Variants in LOXL2 observed in about 807,000 individuals in gnomAD.
LOXL2 encodes lysyl oxidase like 2.
In LOXL2, 70 loss-of-function variants were observed where a neutral mutation model predicts 93.0. The ratio of observed to expected loss-of-function variants is 0.75; its 90% CI spans 0.62 to 0.92. The LOEUF is 0.92. LOXL2 is among the 40% of genes least tolerant of loss of function. The pLI is 0.00. For missense variants in LOXL2, 973 were observed against 1,054.9 expected, an observed-to-expected ratio of 0.92 and a Z score of 1.08; for synonymous variants, 438 against 413.2, an observed-to-expected ratio of 1.06 and a Z score of -0.73.
intron 2 of LOXL2, among the ~76,000 whole-genome samples, chr8:23,360,682 T>C (rs1312976718): frequency 6.6e-6 from 1 of 152,152 alleles, no homozygotes; most frequent in African/African-American, 2.4e-5. Flanking sequence ...GTGTGCAGAT[T>C]AGAGATACTA....
chr8:23,324,026 C>T (rs1209207973), intron 6 of LOXL2, among the ~76,000 whole-genome samples: 1 of 152,158 alleles, frequency 6.6e-6, no homozygotes, highest in Non-Finnish European at 1.5e-5. Flanking sequence ...TTATTTCTGC[C>T]ACTTGACATG....
chr8:23,361,995 A>G (rs759028711), intron 2 of LOXL2, among the ~76,000 whole-genome samples: 9 of 152,228 alleles, frequency 5.9e-5, no homozygotes, highest in Non-Finnish European at 1.2e-4. Flanking sequence ...AAAAATTAAA[A>G]ATAACATTAC....
Position 23,322,239 on chromosome 8 carries a change from T to A in LOXL2, c.1193A>T (p.Asn398Ile), listed in dbSNP as rs142942245. The A allele has an allele frequency of 6.2e-7, 1 of 1,614,082 alleles. No individual in the cohort carries two copies. Among genetic ancestry groups the A allele is most frequent in the Non-Finnish European group, 8.5e-7 (1 of 1,180,032 alleles). The change falls in exon 7 of 14, where the codon AAT becomes ATT. Residue 398 changes from asparagine to isoleucine, a missense_variant. Physicochemically the swap from Asn to Ile is moderately radical, Grantham distance 149 (BLOSUM62 -3). Coordinates refer to ENST00000389131, the MANE Select transcript of LOXL2 (RefSeq NM_002318.3). ...IHLNEIQCTG[N>I]EKSIIDCKFN... The stretch of plus-strand genomic sequence containing the variant: ...CTTGCAGTCTATAATGGACTTCTCA[T>A]TGCCTGTGCACTGGATCTCGTTGAG...
At chr8:23,376,474 C>A (rs1305000672) in intron 1 of LOXL2, among the ~76,000 whole-genome samples, 1 of 152,124 alleles carries the variant, frequency 6.6e-6, no homozygotes. Flanking sequence ...AGGGAGGATT[C>A]CCTCTTTTTC....
At chr8:23,379,979 G>A (rs1804655550) in intron 1 of LOXL2, among the ~76,000 whole-genome samples, 1 of 152,176 alleles carries the variant, frequency 6.6e-6, no homozygotes, top group Non-Finnish European at 1.5e-5. Flanking sequence ...CCAGTGAGAT[G>A]AACCAAGTAC....
At chr8:23,320,840 T>G (rs1381399760) in intron 7 of LOXL2, among the ~76,000 whole-genome samples, 2 of 152,108 alleles carry the variant, frequency 1.3e-5, no homozygotes, top group African/African-American at 4.8e-5. Flanking sequence ...CCCAGAAGTT[T>G]CAGGTTGCAG....
chr8:23,332,860 A>G (rs1388002210), intron 5 of LOXL2, among the ~76,000 whole-genome samples: 1 of 120,002 alleles, frequency 8.3e-6, no homozygotes, highest in African/African-American at 3.2e-5. Flanking sequence ...ATACACACAC[A>G]CTCATACACA....
Position 23,393,360 on chromosome 8 carries a change from A to G in LOXL2, c.-84+10594T>C, listed in dbSNP as rs188507600. On this transcript the variant is annotated intron_variant, in intron 1 of 13. Coordinates refer to ENST00000389131, the MANE Select transcript of LOXL2 (RefSeq NM_002318.3). ...GGTACTGGGATACGGAGAGACATAT[A>G]GATCAATGAGATAAAACTGAGAGTC... is the stretch of plus-strand genomic sequence containing the variant. Among the ~76,000 whole-genome samples the G allele has an allele frequency of 1.8e-3, 275 of 152,374 alleles. 1 individual carries two copies. Among genetic ancestry groups the G allele is most frequent in the African/African-American group, 6.2e-3 (259 of 41,596 alleles).
At chr8:23,318,936 C>A (rs1475294147) in intron 8 of LOXL2, among the ~76,000 whole-genome samples, 1 of 152,216 alleles carries the variant, frequency 6.6e-6, no homozygotes, top group Non-Finnish European at 1.5e-5. Flanking sequence ...ACCCACCCAG[C>A]CCATGGGAGA....
intron 8 of LOXL2, among the ~76,000 whole-genome samples, chr8:23,318,839 C>T (rs1415264796): frequency 6.6e-6 from 1 of 152,248 alleles, no homozygotes; most frequent in Non-Finnish European, 1.5e-5. Flanking sequence ...CCTGTCTCTT[C>T]TGGATGCCGG....
At chr8:23,348,176 T>A (rs929004001) in intron 3 of LOXL2, among the ~76,000 whole-genome samples, 1 of 148,906 alleles carries the variant, frequency 6.7e-6, no homozygotes, top group Non-Finnish European at 1.5e-5. Flanking sequence ...AAACACCGCA[T>A]GTTCTCACGC....
intron 6 of LOXL2, among the ~76,000 whole-genome samples, chr8:23,326,028 T>C (rs1435780593): frequency 6.6e-6 from 1 of 152,246 alleles, no homozygotes; most frequent in Non-Finnish European, 1.5e-5. Flanking sequence ...ATTGCCCGAC[T>C]CACAGTCATT....
At chr8:23,304,036 C>T (rs908271867) in intron 10 of LOXL2, among the ~76,000 whole-genome samples, 6 of 152,252 alleles carry the variant, frequency 3.9e-5, no homozygotes, top group African/African-American at 7.2e-5. Flanking sequence ...CAAGTCTGTG[C>T]TCCTCGCATT....
At position 23,346,100 on chromosome 8, in the gene LOXL2, A is replaced by T. The variant is rs1187919151; in HGVS notation, c.532-4897T>A. On this transcript the variant is annotated intron_variant, in intron 3 of 13. Transcript: ENST00000389131. ...AAATAAAATAATAAAATAAAATAAA[A>T]TAAAATAAAATAAAATTAAAATAAA... Among the ~76,000 whole-genome samples, 105 of 79,880 alleles carry T rather than the reference A, an allele frequency of 1.3e-3. 1 individual carries two copies. The highest frequency in any genetic ancestry group is 0.013 in the South Asian group (31 of 2,462). 52.4% of individuals were successfully genotyped at this position (79,880 alleles called of 152,430 possible).
At chr8:23,373,198 C>G (rs911725532) in intron 1 of LOXL2, among the ~76,000 whole-genome samples, 9 of 152,178 alleles carry the variant, frequency 5.9e-5, no homozygotes, top group Admixed American at 5.9e-4. Flanking sequence ...ATACCTCAGG[C>G]CCTGCTGGGA....
intron 6 of LOXL2, 146 bp downstream of exon 6, chr8:23,328,236 A>G (rs1307713148): frequency 2.5e-6 from 2 of 785,370 alleles, no homozygotes; most frequent in East Asian, 2.5e-5. Context: ...CTGTCTAGGG[A>G]GAGGCCTGGG....
intron 3 of LOXL2, among the ~76,000 whole-genome samples, chr8:23,356,771 A>C (rs186272712): frequency 6.6e-6 from 1 of 152,266 alleles, no homozygotes. Flanking sequence ...AAGGCTGTGG[A>C]TGTCACCTGG....
chr8:23,383,672 T>C (rs1438789487), intron 1 of LOXL2, among the ~76,000 whole-genome samples: 9 of 104,008 alleles, frequency 8.7e-5, no homozygotes, highest in Non-Finnish European at 1.6e-4. Flanking sequence ...TTTTTTTTTT[T>C]TTTTTTGAGA....
intron 12 of LOXL2, among the ~76,000 whole-genome samples, chr8:23,299,875 C>T (rs1803100371): frequency 6.6e-6 from 1 of 152,220 alleles, no homozygotes; most frequent in African/African-American, 2.4e-5. Flanking sequence ...TGTGGGAAGC[C>T]AAGGCCAGCC....
Sources: gnomAD v4.1 joint callset for allele counts (sites outside exome capture counted in the v4.1 genomes callset) on GRCh38, gnomAD v4.1.1 for gene constraint, MANE v1.5 for transcripts, NCBI Gene and HGNC (gene_info 2026-07-23, HGNC 2026-07-21) for gene names.